Variants in LAMB1 observed in about 807,000 individuals in gnomAD.
The protein encoded by LAMB1 is laminin subunit beta-1.
A neutral mutation model predicts 222.3 loss-of-function variants in LAMB1; 121 were observed. The ratio of observed to expected loss-of-function variants is 0.54; its 90% CI spans 0.47 to 0.63. The LOEUF is 0.63. LAMB1 is among the 30% of genes least tolerant of loss of function. The pLI is 0.00. For synonymous variants in LAMB1, 794 were observed against 807.2 expected, an observed-to-expected ratio of 0.98 and a Z score of 0.28; for missense variants, 2,172 against 2,240.8, an observed-to-expected ratio of 0.97 and a Z score of 0.62.
chr7:107,959,829 C>T lies in LAMB1; in HGVS notation c.2320G>A (p.Glu774Lys). Residue 774 changes from glutamate (E) to lysine (K), a missense_variant, in exon 19 of 34, where the codon GAA becomes AAA. Coordinates refer to ENST00000222399, the MANE Select transcript of LAMB1 (RefSeq NM_002291.3). ...CTTAACGAACCCTGAGGGTCGCATTCACAAGCTGTGGGTAAAGAGAGGCCA... is the reference window on the plus strand; with the variant it reads ...CTTAACGAACCCTGAGGGTCGCATTTACAAGCTGTGGGTAAAGAGAGGCCA... ...ALLHQTGLAC[E>K]CDPQGSLSSV... The T allele has an allele frequency of 6.2e-7, 1 of 1,612,558 alleles. No homozygotes were observed.
intron 15 of LAMB1, among the ~76,000 whole-genome samples, chr7:107,962,255 G>A (rs369970962): frequency 2.0e-5 from 3 of 152,122 alleles, no homozygotes; most frequent in Non-Finnish European, 2.9e-5. Flanking sequence ...CTGTTACACC[G>A]TCACCTTCAG....
At position 107,926,340 on chromosome 7, in the gene LAMB1, G is replaced by T; in HGVS notation, c.4907C>A (p.Ala1636Asp). ...CGCGTTGAACAAGGTTTCCTCAGAA[G>T]CTGCTGTTTCAGACTCAATCTAAAA... is the stretch of plus-strand genomic sequence containing the variant. The part of the protein sequence containing the change: ...LLTSIESETA[A>D]SEETLFNASQ... Residue 1636 changes from alanine to aspartate, a missense_variant, in exon 32 of 34, where the codon GCT becomes GAT. Ala to Asp is a moderately radical substitution (Grantham distance 126). Coordinates refer to ENST00000222399, the MANE Select transcript of LAMB1 (RefSeq NM_002291.3). 6.2e-7 allele frequency: 1 copy of T among 1,613,736 alleles called. No homozygotes were observed. The highest frequency in any genetic ancestry group is 1.3e-5 in the African/African-American group (1 of 75,030).
intron 24 of LAMB1, among the ~76,000 whole-genome samples, chr7:107,940,788 C>T (rs2032962933): frequency 6.6e-6 from 1 of 152,156 alleles, no homozygotes; most frequent in African/African-American, 2.4e-5. Flanking sequence ...TCCGTCCTGC[C>T]TTTGCCTCCC....
At chr7:107,960,361 G>A (rs1475669592) in intron 18 of LAMB1, 84 bp downstream of exon 18, 2 of 944,114 alleles carry the variant, frequency 2.1e-6, no homozygotes, top group African/African-American at 1.6e-5. Flanking sequence ...CAGGGCTAGG[G>A]GGTGGGCACT....
chr7:107,948,207 G>A (rs931473985), intron 24 of LAMB1, among the ~76,000 whole-genome samples: 5 of 151,996 alleles, frequency 3.3e-5, no homozygotes, highest in Non-Finnish European at 4.4e-5. Context: ...GGCTGGTGTC[G>A]GACTCCTGAC....
chr7:107,933,493 G>A, intron 27 of LAMB1, among the ~76,000 whole-genome samples: 1 of 152,044 alleles, frequency 6.6e-6, no homozygotes, highest in East Asian at 1.9e-4. Context: ...TCTGCATGCT[G>A]TAAAACATGA....
At chr7:107,995,001 G>T (rs1181844113) in intron 4 of LAMB1, 41 bp from the exon 5 acceptor site, 1 of 1,095,850 alleles carries the variant, frequency 9.1e-7, no homozygotes, top group Non-Finnish European at 1.4e-6. Context: ...AAATGAAACT[G>T]TAAATAGAAA....
chr7:107,984,259 G>C (rs1563004283), intron 7 of LAMB1, among the ~76,000 whole-genome samples: 2 of 151,624 alleles, frequency 1.3e-5, no homozygotes, highest in African/African-American at 4.8e-5. Flanking sequence ...TCATTTTTTT[G>C]TTTTTTTGAG....
At chr7:107,994,533 G>A (rs2034248289) in intron 5 of LAMB1, among the ~76,000 whole-genome samples, 2 of 152,158 alleles carry the variant, frequency 1.3e-5, no homozygotes, top group Non-Finnish European at 2.9e-5. Context: ...ACCAAAGTCA[G>A]TATTAAAACA....
At chr7:107,929,813 C>G (rs2032662451) in intron 29 of LAMB1, 194 bp from the exon 30 acceptor site, 1 of 600,034 alleles carries the variant, frequency 1.7e-6, no homozygotes, top group East Asian at 2.8e-5. Flanking sequence ...AAAAAAGTAA[C>G]TGCAGACAAT....
rs1373899953 is a variant in LAMB1, at chr7:107,963,038, T to C, written c.1724A>G (p.Tyr575Cys). 3 of 1,613,652 alleles carry C rather than the reference T, an allele frequency of 1.9e-6. No individual in the cohort carries two copies. In the African/African-American group the frequency reaches 4.0e-5, roughly 22 times the overall value. Residue 575 changes from tyrosine (Y) to cysteine (C), a missense_variant, in exon 15 of 34, where the codon TAT becomes TGT. Coordinates refer to ENST00000222399, the MANE Select transcript of LAMB1 (RefSeq NM_002291.3). ...GPGVSIVERQ[Y>C]IQDRIPSWTG... ...CCAGGAGGGAATCCGGTCCTGGATA[T>C]ATTGCCGCTCCACTATGCTAACCCC...
chr7:107,937,079 C>CA lies in LAMB1; in HGVS notation c.3946+13dup. On this transcript the variant is annotated intron_variant, in intron 26 of 33. Transcript: ENST00000222399. ...ATCCATTGTCTGGGACTATTTGCACCAAAAAATGCTCACCCCGAATATCTG... is the reference window on the plus strand; with the variant it reads ...ATCCATTGTCTGGGACTATTTGCACCAAAAAAATGCTCACCCCGAATATCTG... The CA allele has an allele frequency of 7.5e-6, 12 of 1,609,336 alleles. No homozygotes were observed. Among genetic ancestry groups the CA allele is most frequent in the South Asian group, 1.1e-5 (1 of 90,616 alleles).
chr7:107,948,239 G>A (rs1192273376), intron 24 of LAMB1, among the ~76,000 whole-genome samples: 2 of 152,100 alleles, frequency 1.3e-5, no homozygotes, highest in Non-Finnish European at 2.9e-5. Context: ...CGCCCGCCTT[G>A]GCCTCCCAAA....
At chr7:107,954,272 A>G (rs73195553) in intron 21 of LAMB1, among the ~76,000 whole-genome samples, 8,097 of 151,818 alleles carry the variant, frequency 0.053, 305 homozygotes, top group Admixed American at 0.086. Context: ...CTCCCACTTC[A>G]GCTTTCCCAG....
Position 107,960,599 on chromosome 7 carries a change from A to G in LAMB1, c.2160T>C (p.Gly720=). Residue 720 remains glycine (G), a synonymous_variant, in exon 18 of 34, where the codon GGT becomes GGC. Coordinates refer to ENST00000222399, the MANE Select transcript of LAMB1 (RefSeq NM_002291.3). ...TGTTGGTGACCACCCCATCTCCTGA[A>G]CCTCCCACGGTGAAGATGTCCAGTG... ...CKSLDIFTVG[G]SGDGVVTNSA... The G allele has an allele frequency of 6.2e-7, 1 of 1,614,210 alleles. No homozygotes were observed. Among genetic ancestry groups the G allele is most frequent in the Non-Finnish European group, 8.5e-7 (1 of 1,180,032 alleles).
In LAMB1 at chr7:107,929,143, T is replaced by C. The variant is rs2032642404; in HGVS notation, c.4808A>G (p.Glu1603Gly). 2.5e-6 allele frequency: 4 copies of C among 1,614,120 alleles called. No individual in the cohort carries two copies. In the South Asian group the frequency reaches 3.3e-5, roughly 13 times the overall value. ...CTTCTCTGCTGCGACCTGGGCCTTT[T>C]CTGCTTCTTCCAGAGCTTCCTTTAC... is the stretch of plus-strand genomic sequence containing the variant. ...DMVKEALEEA[E>G]KAQVAAEKAI... Residue 1603 changes from glutamate to glycine, a missense_variant, in exon 31 of 34, where the codon GAA becomes GGA. Physicochemically the swap from Glu to Gly is moderately conservative, Grantham distance 98. Transcript: ENST00000222399.
chr7:107,939,797 A>G (rs1264483646), intron 25 of LAMB1, among the ~76,000 whole-genome samples, 192 bp downstream of exon 25: 1 of 152,170 alleles, frequency 6.6e-6, no homozygotes, highest in African/African-American at 2.4e-5. Flanking sequence ...GCTGGTCCCC[A>G]CTGATGTGCC....
At chr7:107,971,620 A>G (rs2033750579) in intron 13 of LAMB1, among the ~76,000 whole-genome samples, 1 of 152,222 alleles carries the variant, frequency 6.6e-6, no homozygotes, top group South Asian at 2.1e-4. Flanking sequence ...CCCATCAATC[A>G]TGCTAGAAAG....
chr7:107,940,084 C>T lies in LAMB1; in HGVS notation c.3666G>A (p.Ser1222=), dbSNP rs968209908. 23 of 1,614,144 alleles carry T rather than the reference C, an allele frequency of 1.4e-5. No homozygotes were observed. In the African/African-American group the frequency reaches 2.3e-4, roughly 16 times the overall value. Residue 1222 remains serine, a synonymous_variant, in exon 25 of 34, where the codon TCG becomes TCA. Coordinates refer to ENST00000222399, the MANE Select transcript of LAMB1 (RefSeq NM_002291.3). ...VIGPYRETVD[S]VERKVSEIKD... Reference sequence around the variant, plus strand: ...TTATCTCGCTGACTTTCCTCTCCACCGAGTCCACAGTCTCACGGTAAGGCC... The same window carrying T: ...TTATCTCGCTGACTTTCCTCTCCACTGAGTCCACAGTCTCACGGTAAGGCC...
Sources: gnomAD v4.1 joint callset for allele counts (sites outside exome capture counted in the v4.1 genomes callset) on GRCh38, gnomAD v4.1.1 for gene constraint, MANE v1.5 for transcripts, NCBI Gene and HGNC (gene_info 2026-07-23, HGNC 2026-07-21) for gene names.